The following ST8SIA6 variants were observed in gnomAD, a reference collection of about 807,000 sequenced individuals.
ST8SIA6 encodes the protein ST8 alpha-N-acetyl-neuraminide alpha-2,8-sialyltransferase 6.
In ST8SIA6, 39 loss-of-function variants were observed where a neutral mutation model predicts 33.6. The ratio of observed to expected loss-of-function variants is 1.16; its 90% confidence interval spans 0.90 to 1.52. The LOEUF is 1.52. Among genes scored for constraint, ST8SIA6 ranks in the 40% most tolerant of loss-of-function variants. The pLI, the probability that ST8SIA6 is intolerant of heterozygous loss-of-function variation, is 0.00. For missense variants in ST8SIA6, 441 were observed against 443.8 expected (o/e 0.99, Z 0.06); for synonymous variants, 172 against 167.2 (o/e 1.03, Z -0.22).
intron 2 of ST8SIA6, among the ~76,000 whole-genome samples, chr10:17,449,621 C>A (rs1008606013): frequency 2.0e-5 from 3 of 152,226 alleles, no homozygotes; most frequent in African/African-American, 4.8e-5. Flanking sequence ...CACTTTAGCA[C>A]ATTAACCATC....
At chr10:17,349,578 C>T (rs1368003258) in intron 4 of ST8SIA6, among the ~76,000 whole-genome samples, 1 of 152,052 alleles carries the variant, frequency 6.6e-6, no homozygotes, top group Non-Finnish European at 1.5e-5. Flanking sequence ...ACTGGCTTAG[C>T]CTAATAAGAA....
chr10:17,342,417 G>T (rs907083541), intron 4 of ST8SIA6, among the ~76,000 whole-genome samples: 1 of 152,078 alleles, frequency 6.6e-6, no homozygotes. Flanking sequence ...CGAACCCAGC[G>T]CACAGAAGGC....
Position 17,364,680 on chromosome 10 carries a change from G to A in ST8SIA6, c.291-5080C>T, listed in dbSNP as rs999455696. Among the ~76,000 whole-genome samples, 6 of 152,166 alleles carry A rather than the reference G, an allele frequency of 3.9e-5. No homozygotes were observed. The South Asian group carries it at 1.0e-3, about 26-fold the overall frequency. ...CATCACAATTATAAAATGGAAGCAT[G>A]GTTGTAACCAAAAATCATTTGAGGA... On this transcript the variant is annotated intron_variant, in intron 3 of 7. Coordinates refer to ENST00000377602, the MANE Select transcript of ST8SIA6 (RefSeq NM_001004470.3).
At chr10:17,438,171 A>T (rs537673397) in intron 2 of ST8SIA6, among the ~76,000 whole-genome samples, 2 of 152,090 alleles carry the variant, frequency 1.3e-5, no homozygotes, top group Non-Finnish European at 2.9e-5. Flanking sequence ...TGGTTATGAG[A>T]TCTCCTGTTT....
At chr10:17,390,144 C>A in intron 3 of ST8SIA6, among the ~76,000 whole-genome samples, 1 of 152,028 alleles carries the variant, frequency 6.6e-6, no homozygotes, top group South Asian at 2.1e-4. Context: ...CACATGCCAC[C>A]CAATTTTAAT....
Position 17,332,470 on chromosome 10 carries a change from T to A in ST8SIA6, c.378-918A>T, listed in dbSNP as rs529790472. On this transcript the variant is annotated intron_variant, in intron 4 of 7. Transcript: ENST00000377602. The stretch of plus-strand genomic sequence containing the variant: ...ACCAGCATCTATTTCTTGACTTTGT[T>A]TTTTTATTTTTTGAGACAGAGTCTC... Among the ~76,000 whole-genome samples, 206 of 152,256 alleles carry A rather than the reference T, an allele frequency of 1.4e-3. 1 individual carries two copies. The highest frequency in any genetic ancestry group is 4.7e-3 in the African/African-American group (197 of 41,548).
At chr10:17,349,410 AATG>A (rs1427679592) in intron 4 of ST8SIA6, among the ~76,000 whole-genome samples, 1 of 152,174 alleles carries the variant, frequency 6.6e-6, no homozygotes, top group African/African-American at 2.4e-5. Flanking sequence ...AAGCCAGAAA[AATG>A]ATATTAAACT....
rs1489761366 is a variant in ST8SIA6 at position 17,317,444 on chromosome 10, G to A, written c.*3434C>T. 1.3e-5 allele frequency among the ~76,000 whole-genome samples: 2 copies of A among 152,112 alleles called. No homozygotes were observed. The highest frequency in any genetic ancestry group is 6.6e-5 in the Admixed American group (1 of 15,260). On this transcript the variant is annotated 3_prime_UTR_variant, in exon 8 of 8. Coordinates refer to ENST00000377602, the MANE Select transcript of ST8SIA6 (RefSeq NM_001004470.3). ...CTAGCAGCCTCAAGTGGATTTATCA[G>A]ATCAAGTGCATCAGATATATCAGAT...
At chr10:17,325,416 A>T (rs1185312737) in intron 6 of ST8SIA6, among the ~76,000 whole-genome samples, 1 of 147,558 alleles carries the variant, frequency 6.8e-6, no homozygotes, top group Admixed American at 6.8e-5. Flanking sequence ...GATTATATAT[A>T]TTACTACTAC....
At chr10:17,437,953 A>G (rs1166061151) in intron 2 of ST8SIA6, among the ~76,000 whole-genome samples, 3 of 151,250 alleles carry the variant, frequency 2.0e-5, no homozygotes, top group African/African-American at 7.3e-5. Flanking sequence ...CCGATCTCGA[A>G]CTCCTGACTT....
intron 3 of ST8SIA6, among the ~76,000 whole-genome samples, chr10:17,385,717 G>C (rs1394742315): frequency 1.3e-5 from 2 of 152,076 alleles, no homozygotes; most frequent in South Asian, 4.1e-4. Flanking sequence ...CAGGCCATCT[G>C]GATGTATAAG....
At chr10:17,385,220 G>A (rs941813379) in intron 3 of ST8SIA6, among the ~76,000 whole-genome samples, 12 of 152,074 alleles carry the variant, frequency 7.9e-5, no homozygotes, top group African/African-American at 2.2e-4. Context: ...GCCTTCCTTC[G>A]AAAAGCTCAT....
intron 2 of ST8SIA6, among the ~76,000 whole-genome samples, chr10:17,443,394 T>G (rs184582520): frequency 3.4e-3 from 515 of 152,330 alleles, no homozygotes; most frequent in Non-Finnish European, 4.4e-3. Context: ...ACTTTAATCA[T>G]TTGCAAAATT....
chr10:17,372,363 G>A (rs1487485359), intron 3 of ST8SIA6, among the ~76,000 whole-genome samples: 3 of 152,140 alleles, frequency 2.0e-5, no homozygotes, highest in Non-Finnish European at 2.9e-5. Flanking sequence ...AATGCTTTCC[G>A]TTTTCAAATT....
At chr10:17,375,537 A>AT (rs1849885488) in intron 3 of ST8SIA6, among the ~76,000 whole-genome samples, 1 of 152,238 alleles carries the variant, frequency 6.6e-6, no homozygotes, top group Admixed American at 6.5e-5. Flanking sequence ...CATGAGGAAC[A>AT]TATCTTTCAG....
At chr10:17,391,461 A>C (rs1850609660) in intron 2 of ST8SIA6, among the ~76,000 whole-genome samples, 3 of 151,362 alleles carry the variant, frequency 2.0e-5, no homozygotes, top group African/African-American at 7.3e-5. Context: ...ACGGGGTTTC[A>C]GCATGTTAGC....
intron 3 of ST8SIA6, among the ~76,000 whole-genome samples, chr10:17,364,034 T>C (rs1163593861): frequency 6.6e-6 from 1 of 151,642 alleles, no homozygotes; most frequent in Admixed American, 6.6e-5. Context: ...CCTTAGCAAA[T>C]TAAAGATTAC....
intron 5 of ST8SIA6, among the ~76,000 whole-genome samples, chr10:17,331,022 A>G (rs575801590): frequency 2.0e-5 from 3 of 152,212 alleles, no homozygotes; most frequent in Non-Finnish European, 4.4e-5. Context: ...AAGATGAGCC[A>G]CATAAACGCA....
intron 4 of ST8SIA6, among the ~76,000 whole-genome samples, chr10:17,350,120 T>C (rs909877058): frequency 3.9e-5 from 6 of 152,146 alleles, no homozygotes; most frequent in African/African-American, 7.2e-5. Flanking sequence ...GTTGGAGCGA[T>C]GTGGCCAAAG....
Sources: allele counts gnomAD v4.1 joint callset (sites outside exome capture counted in the v4.1 genomes callset), GRCh38; gene constraint gnomAD v4.1.1; transcripts MANE v1.5; gene names NCBI Gene and HGNC (gene_info 2026-07-23, HGNC 2026-07-21).